The following ZNF236 variants were observed in gnomAD, a reference collection of about 807,000 sequenced individuals.
The protein encoded by ZNF236 is regulated by glucose.
ZNF236 carries 50 observed loss-of-function variants against 191.2 expected under a neutral mutation model. That is an observed-to-expected ratio of 0.26 (90% CI 0.21 to 0.33). The LOEUF is 0.33. Among genes scored for constraint, ZNF236 ranks in the 10% least tolerant of loss-of-function variants. The pLI is 1.00. For missense variants in ZNF236, 1,754 were observed against 2,374.5 expected, an observed-to-expected ratio of 0.74 and a Z score of 5.43; for synonymous variants, 907 against 928.8, an observed-to-expected ratio of 0.98 and a Z score of 0.43.
chr18:76,912,298 G>A lies in ZNF236; in HGVS notation c.2860G>A (p.Gly954Ser). ...AGAGGAACTGGACCTGCAGGCACAA[G>A]GTTCCCAGTTTCTGGAGGACAACGA... ...SQEELDLQAQ[G>S]SQFLEDNEDQ... is the part of the protein sequence containing the mutation. The change falls in exon 17 of 31, where the codon GGT becomes AGT. Residue 954 changes from glycine (G) to serine (S), a missense_variant. Around this residue, in one of 5 missense-constraint regions of ZNF236, gnomAD observed 641 missense variants for 869.6 expected, o/e 0.74. Coordinates refer to ENST00000320610, the MANE Select transcript of ZNF236 (RefSeq NM_001306089.2). The A allele has an allele frequency of 6.2e-7, 1 of 1,614,234 alleles. No individual in the cohort carries two copies.
At chr18:76,871,069 G>C (rs780503965) in intron 4 of ZNF236, among the ~76,000 whole-genome samples, 1 of 152,198 alleles carries the variant, frequency 6.6e-6, no homozygotes, top group African/African-American at 2.4e-5. Flanking sequence ...TCCACATTTG[G>C]GGGTGTTTCA....
rs919333551 is a variant in ZNF236 at position 76,971,907 on chromosome 18, T to C, written c.*3568T>C. On this transcript the variant is annotated 3_prime_UTR_variant, in exon 31 of 31. Coordinates refer to ENST00000320610, the MANE Select transcript of ZNF236 (RefSeq NM_001306089.2). ...TTCTTACATTTTTTTCTGAAGCTTA[T>C]TTCAGAATTAATACCGTGCCCTTCC... Among the ~76,000 whole-genome samples the C allele has an allele frequency of 2.6e-5, 4 of 152,232 alleles. No individual in the cohort carries two copies. The highest frequency in any genetic ancestry group is 9.7e-5 in the African/African-American group (4 of 41,448).
intron 1 of ZNF236, chr18:76,834,653 A>G (rs1473383794): frequency 2.2e-6 from 1 of 445,716 alleles, no homozygotes; most frequent in Non-Finnish European, 4.3e-6. Context: ...TTCAATGTAG[A>G]GGACATATTT....
rs1968912909 is a variant in ZNF236 at position 76,971,938 on chromosome 18, T to TA, written c.*3606dup. ...AATTAATACCGTGCCCTTCCCTGAC[T>TA]AAAAAAAGTTAATCCAAGGATTGAT... On this transcript the variant is annotated 3_prime_UTR_variant, in exon 31 of 31. Coordinates refer to ENST00000320610, the MANE Select transcript of ZNF236 (RefSeq NM_001306089.2). Among the ~76,000 whole-genome samples, 1 of 152,158 alleles carries TA rather than the reference T, an allele frequency of 6.6e-6. No individual in the cohort carries two copies.
chr18:76,930,972 G>C (rs1273668649), intron 25 of ZNF236: 1 of 152,204 alleles, frequency 6.6e-6, no homozygotes, highest in Non-Finnish European at 1.5e-5. Flanking sequence ...AAATGACAAT[G>C]AAAACTTTGA....
At chr18:76,891,724 T>C (rs1309342086) in intron 9 of ZNF236, among the ~76,000 whole-genome samples, 1 of 152,162 alleles carries the variant, frequency 6.6e-6, no homozygotes, top group Non-Finnish European at 1.5e-5. Flanking sequence ...TTTTTTTTTT[T>C]CAGGTGGCCA....
intron 1 of ZNF236, among the ~76,000 whole-genome samples, chr18:76,828,953 C>T (rs899366111): frequency 3.3e-5 from 5 of 151,130 alleles, no homozygotes; most frequent in African/African-American, 4.8e-5. Context: ...TGTGAGCCAC[C>T]GTGGAGTCTT....
intron 3 of ZNF236, among the ~76,000 whole-genome samples, chr18:76,859,549 C>T (rs533501871): frequency 2.0e-5 from 3 of 152,248 alleles, no homozygotes; most frequent in African/African-American, 7.2e-5. Flanking sequence ...TACAATCATT[C>T]GTACATTGAT....
At chr18:76,918,459 C>T (rs1277837338) in intron 19 of ZNF236, among the ~76,000 whole-genome samples, 2 of 152,156 alleles carry the variant, frequency 1.3e-5, no homozygotes, top group Non-Finnish European at 2.9e-5. Flanking sequence ...GGGTCTCACT[C>T]TGTCACCCAG....
chr18:76,937,173 G>A lies in ZNF236; in HGVS notation c.4612G>A (p.Gly1538Arg), dbSNP rs1031768821. Residue 1538 changes from glycine (G) to arginine (R), a missense_variant, in exon 26 of 31, where the codon GGA (glycine) becomes AGA (arginine). This residue lies in a region of ZNF236 where 606 missense variants were observed against 761.5 expected (regional missense o/e 0.80). Coordinates refer to ENST00000320610, the MANE Select transcript of ZNF236 (RefSeq NM_001306089.2). ...LTISELNTTS[G>R]SLPSTTPMSP... Reference sequence around the variant, plus strand: ...TTTTGTAGAACTTAACACTACAAGCGGAAGCCTTCCTTCAACAACACCGAT... The same window carrying A: ...TTTTGTAGAACTTAACACTACAAGCAGAAGCCTTCCTTCAACAACACCGAT... The A allele has an allele frequency of 2.5e-6, 4 of 1,613,946 alleles. No homozygotes were observed. The highest frequency in any genetic ancestry group is 2.2e-5 in the East Asian group (1 of 44,864).
chr18:76,834,715 T>C, intron 1 of ZNF236: 2 of 440,636 alleles, frequency 4.5e-6, no homozygotes, highest in Admixed American at 4.9e-5. Context: ...TATAGTGTCC[T>C]CATACAACCT....
intron 25 of ZNF236, among the ~76,000 whole-genome samples, chr18:76,935,102 G>A (rs1056520541): frequency 3.9e-5 from 6 of 152,194 alleles, no homozygotes; most frequent in African/African-American, 1.4e-4. Flanking sequence ...CATGCTAAGA[G>A]TATTTAATTT....
In ZNF236 at chr18:76,915,836, C is replaced by T; in HGVS notation, c.3251C>T (p.Ala1084Val). ...RHQTVPSAVSATGETEGGDIC... is the reference protein window; with the variant it reads ...RHQTVPSAVSVTGETEGGDIC... ...CAAACAGTCCCCTCTGCTGTGTCAG[C>T]CACTGGAGAGACAGAAGGAGGAGGT... The change falls in exon 19 of 31, where the codon GCC becomes GTC. Residue 1084 changes from alanine (A) to valine (V), a missense_variant. By Grantham distance (64) the Ala-to-Val change is moderately conservative (BLOSUM62 0). This residue lies in a region of ZNF236 where 641 missense variants were observed against 869.6 expected (regional missense o/e 0.74). Coordinates refer to ENST00000320610, the MANE Select transcript of ZNF236 (RefSeq NM_001306089.2). 6.2e-7 allele frequency: 1 copy of T among 1,613,386 alleles called. No homozygotes were observed.
chr18:76,922,777 G>A (rs1358316437), intron 20 of ZNF236, among the ~76,000 whole-genome samples: 2 of 152,052 alleles, frequency 1.3e-5, no homozygotes, highest in East Asian at 1.9e-4. Context: ...GTCTGGTCTC[G>A]AAATCCTGAC....
At chr18:76,963,550 C>A (rs567010675) in intron 30 of ZNF236, among the ~76,000 whole-genome samples, 17 of 152,040 alleles carry the variant, frequency 1.1e-4, no homozygotes, top group African/African-American at 4.1e-4. Flanking sequence ...TTGGTTATGT[C>A]CTGTCTTGGT....
At chr18:76,841,211 G>T in intron 1 of ZNF236, 1 of 151,734 alleles carries the variant, frequency 6.6e-6, no homozygotes, top group Non-Finnish European at 1.5e-5. Flanking sequence ...TGCTGGGATT[G>T]CAGGCGTGAG....
chr18:76,943,233 C>T (rs1024372043), intron 26 of ZNF236, among the ~76,000 whole-genome samples: 2 of 151,656 alleles, frequency 1.3e-5, no homozygotes, highest in Non-Finnish European at 2.9e-5. Context: ...TGAAAAGGGC[C>T]CAATTTTGGA....
At chr18:76,836,844 G>A (rs1469944252) in intron 1 of ZNF236, among the ~76,000 whole-genome samples, 7 of 151,014 alleles carry the variant, frequency 4.6e-5, no homozygotes, top group East Asian at 2.0e-4. Flanking sequence ...CCCAAAGTGC[G>A]GGGATTACAG....
At chr18:76,834,889 T>A in intron 1 of ZNF236, 1 of 324,854 alleles carries the variant, frequency 3.1e-6, no homozygotes, top group South Asian at 2.8e-5. Context: ...TGAACTTCAT[T>A]TGGGCTGCTC....
Sources: allele counts gnomAD v4.1 joint callset (sites outside exome capture counted in the v4.1 genomes callset), GRCh38; gene constraint gnomAD v4.1.1; regional missense constraint gnomAD v4.1.1; transcripts MANE v1.5; gene names NCBI Gene and HGNC (gene_info 2026-07-23, HGNC 2026-07-21).